Variants in AFP observed in about 807,000 individuals in gnomAD.
AFP encodes the protein alpha-fetoprotein.
In AFP, 64 loss-of-function variants were observed where a neutral mutation model predicts 78.9. That is an observed-to-expected ratio of 0.81 (90% CI 0.66 to 1.00). The LOEUF (loss-of-function observed/expected upper bound fraction) is 1.00. Among genes scored for constraint, AFP ranks in the 50% least tolerant of loss-of-function variants. AFP has a pLI of 0.00. For missense variants in AFP, 689 were observed against 703.8 expected, an observed-to-expected ratio of 0.98 and a Z score of 0.24; for synonymous variants, 254 against 243.8, an observed-to-expected ratio of 1.04 and a Z score of -0.39.
intron 6 of AFP, among the ~76,000 whole-genome samples, chr4:73,444,067 G>A (rs1719751277): frequency 6.6e-6 from 1 of 152,050 alleles, no homozygotes; most frequent in Non-Finnish European, 1.5e-5. Flanking sequence ...TATATTCAGA[G>A]TTTATTTGAT....
chr4:73,437,697 G>A (rs1234652062), intron 2 of AFP, among the ~76,000 whole-genome samples: 1 of 152,028 alleles, frequency 6.6e-6, no homozygotes, highest in Non-Finnish European at 1.5e-5. Context: ...GTGTGTTGCT[G>A]TTACTCCTTG....
chr4:73,439,960 T>A (rs1719613536), intron 3 of AFP, among the ~76,000 whole-genome samples: 1 of 152,166 alleles, frequency 6.6e-6, no homozygotes, highest in African/African-American at 2.4e-5. Flanking sequence ...TATGTATGTA[T>A]ATACCATAAT....
Position 73,450,767 on chromosome 4 carries a change from T to A in AFP, c.1428+14T>A. On this transcript the variant is annotated intron_variant, in intron 11 of 14. Transcript: ENST00000395792. Reference sequence around the variant, plus strand: ...GGCGAGGGAGCGGTGAGTGTCTGCTTGGTTTGGTCCCATCTCATTTCTGCC... The same window carrying A: ...GGCGAGGGAGCGGTGAGTGTCTGCTAGGTTTGGTCCCATCTCATTTCTGCC... The A allele has an allele frequency of 3.7e-6, 6 of 1,613,756 alleles. No homozygotes were observed. The highest frequency in any genetic ancestry group is 5.1e-6 in the Non-Finnish European group (6 of 1,179,958).
chr4:73,440,309 C>G (rs1357540958), intron 3 of AFP, among the ~76,000 whole-genome samples: 1 of 151,914 alleles, frequency 6.6e-6, no homozygotes, highest in East Asian at 1.9e-4. Context: ...ATATCCTAGT[C>G]CAAATTTTTG....
chr4:73,444,954 A>T (rs1328361885), intron 6 of AFP, 39 bp from the exon 7 acceptor site: 1 of 1,542,216 alleles, frequency 6.5e-7, no homozygotes, highest in South Asian at 1.1e-5. Flanking sequence ...TTTGACAGAT[A>T]ACCAAGAAAT....
At position 73,452,593 on chromosome 4, in the gene AFP, C is replaced by A. The variant is rs144607501; in HGVS notation, c.1621C>A (p.Gln541Lys). 45 of 1,613,810 alleles carry A rather than the reference C, an allele frequency of 2.8e-5. No homozygotes were observed. The African/African-American group carries it at 5.5e-4, about 20-fold the overall frequency. The part of the protein sequence containing the change: ...FIFHKDLCQA[Q>K]GVALQTMKQE... Reference sequence around the variant, plus strand: ...TTTCCATAAGGATCTGTGCCAAGCTCAGGGTGTAGCGCTGCAAACAATGAA... The same window carrying A: ...TTTCCATAAGGATCTGTGCCAAGCTAAGGGTGTAGCGCTGCAAACAATGAA... Residue 541 changes from glutamine to lysine, a missense_variant, in exon 12 of 15, where the codon CAG (glutamine) becomes AAG (lysine). Transcript: ENST00000395792.
intron 11 of AFP, among the ~76,000 whole-genome samples, chr4:73,451,937 A>G (rs1022829451): frequency 1.1e-4 from 16 of 152,210 alleles, no homozygotes; most frequent in Admixed American, 9.2e-4. Flanking sequence ...CTTCTTTTCA[A>G]TTAGGATGAT....
intron 12 of AFP, among the ~76,000 whole-genome samples, chr4:73,453,285 TTTTCTATTGCTCTGGTCTAC>T (rs1720059914): frequency 6.6e-6 from 1 of 152,198 alleles, no homozygotes; most frequent in Admixed American, 6.5e-5. Context: ...CTGGCAAGCT[TTTTCTATTGCTCTGGTCTAC>T]TTTCTATTGC....
Position 73,449,302 on chromosome 4 carries a change from A to G in AFP, c.1059-33A>G, listed in dbSNP as rs73827496. 1,790 of 1,599,064 alleles carry G rather than the reference A, an allele frequency of 1.1e-3. 15 individuals carry two copies. The African/African-American group carries it at 0.019, about 17-fold the overall frequency. On this transcript the variant is annotated intron_variant, in intron 8 of 14. Transcript: ENST00000395792. ...TGGCTCCTTTTGTCTCTTAGTTCCAATAACTTGAAATATTTTTCTCCACAT... is the reference window on the plus strand; with the variant it reads ...TGGCTCCTTTTGTCTCTTAGTTCCAGTAACTTGAAATATTTTTCTCCACAT...
At chr4:73,438,337 A>G in intron 3 of AFP, 31 bp downstream of exon 3, 1 of 1,590,008 alleles carries the variant, frequency 6.3e-7, no homozygotes, top group East Asian at 2.3e-5. Context: ...AAGCATTGTG[A>G]TATTTGACAA....
chr4:73,447,357 TC>T (rs1229682992), intron 7 of AFP, 104 bp from the exon 8 acceptor site: 5 of 760,696 alleles, frequency 6.6e-6, no homozygotes, highest in Non-Finnish European at 1.0e-5. Flanking sequence ...CTTTCTTTGT[TC>T]CCTTCTCCCT....
chr4:73,438,183 A>G lies in AFP; in HGVS notation c.147A>G (p.Ile49Met). Residue 49 changes from isoleucine to methionine, a missense_variant, in exon 3 of 15, where the codon ATA (isoleucine) becomes ATG (methionine). Coordinates refer to ENST00000395792, the MANE Select transcript of AFP (RefSeq NM_001134.3). Reference protein sequence around the residue: ...AEISLADLATIFFAQFVQEAT... With the variant: ...AEISLADLATMFFAQFVQEAT... ...CGTATTTTTGTTTCAGGGCTACCAT[A>G]TTTTTTGCCCAGTTTGTTCAAGAAG... is the stretch of plus-strand genomic sequence containing the variant. 6.2e-7 allele frequency: 1 copy of G among 1,613,336 alleles called. No homozygotes were observed.
intron 5 of AFP, 90 bp downstream of exon 5, chr4:73,442,518 G>A: frequency 6.8e-7 from 1 of 1,471,548 alleles, no homozygotes; most frequent in South Asian, 1.1e-5. Context: ...GTGCTTAATT[G>A]TGGAGAGTAT....
intron 4 of AFP, among the ~76,000 whole-genome samples, chr4:73,441,493 T>A (rs983083774): frequency 4.9e-4 from 66 of 134,646 alleles, no homozygotes; most frequent in Non-Finnish European, 9.0e-4. Context: ...GCGTGAACCC[T>A]GGAGGCGGAG....
In AFP at chr4:73,445,027, G is replaced by A; in HGVS notation, c.748G>A (p.Val250Ile). The part of the protein sequence containing the change: ...VTKLSQKFTK[V>I]NFTEIQKLVL... The stretch of plus-strand genomic sequence containing the variant: ...TAAACTGAGTCAGAAGTTTACCAAA[G>A]TTAATTTTACTGAAATCCAGAAACT... The change falls in exon 7 of 15, where the codon GTT becomes ATT. Residue 250 changes from valine (V) to isoleucine (I), a missense_variant. Transcript: ENST00000395792. 1 of 1,613,334 alleles carries A rather than the reference G, an allele frequency of 6.2e-7. No homozygotes were observed. Among genetic ancestry groups the A allele is most frequent in the Non-Finnish European group, 8.5e-7 (1 of 1,179,430 alleles).
At chr4:73,448,754 C>G (rs1484949380) in intron 8 of AFP, among the ~76,000 whole-genome samples, 1 of 152,126 alleles carries the variant, frequency 6.6e-6, no homozygotes, top group Non-Finnish European at 1.5e-5. Context: ...TGATCTTCCC[C>G]CAGATATTTG....
At chr4:73,446,863 A>G (rs898828116) in intron 7 of AFP, among the ~76,000 whole-genome samples, 2 of 152,220 alleles carry the variant, frequency 1.3e-5, no homozygotes, top group Non-Finnish European at 2.9e-5. Flanking sequence ...GCTTACAACT[A>G]TGGAAAGAAG....
chr4:73,450,096 C>T lies in AFP; in HGVS notation c.1252C>T (p.Leu418Phe). Residue 418 changes from leucine to phenylalanine, a missense_variant, in exon 10 of 15, where the codon CTC (leucine) becomes TTC (phenylalanine). By Grantham distance (22) the Leu-to-Phe change is conservative. Coordinates refer to ENST00000395792, the MANE Select transcript of AFP (RefSeq NM_001134.3). Reference protein sequence around the residue: ...SQALAKRSCGLFQKLGEYYLQ... With the variant: ...SQALAKRSCGFFQKLGEYYLQ... ...AGCATTGGCAAAGCGAAGCTGCGGC[C>T]TCTTCCAGAAACTAGGAGAATATTA... The T allele has an allele frequency of 6.2e-7, 1 of 1,613,646 alleles. No individual in the cohort carries two copies. The highest frequency in any genetic ancestry group is 8.5e-7 in the Non-Finnish European group (1 of 1,179,684).
At chr4:73,453,627 C>CA in intron 12 of AFP, 138 bp from the exon 13 acceptor site, 2 of 938,486 alleles carry the variant, frequency 2.1e-6, no homozygotes, top group Non-Finnish European at 3.3e-6. Flanking sequence ...AAGTACTAGA[C>CA]AAGGTGTGTG....
Sources: allele counts gnomAD v4.1 joint callset (sites outside exome capture counted in the v4.1 genomes callset), GRCh38; gene constraint gnomAD v4.1.1; transcripts MANE v1.5; gene names NCBI Gene and HGNC (gene_info 2026-07-23, HGNC 2026-07-21).